RPS6KC1: variants seen among roughly 807,000 people sequenced by gnomAD.
RPS6KC1 encodes inactive ribosomal protein S6 kinase delta-1.
In RPS6KC1, 54 loss-of-function variants were observed where a neutral mutation model predicts 103.8. The ratio of observed to expected loss-of-function variants is 0.52; its 90% confidence interval spans 0.42 to 0.65. The LOEUF is 0.65. Ranked by LOEUF, RPS6KC1 falls within the 30% of genes least tolerant of loss-of-function variation. The pLI is 0.00. For synonymous variants in RPS6KC1, 439 were observed against 438.7 expected, an observed-to-expected ratio of 1.00 and a Z score of -0.01; for missense variants, 1,151 against 1,253.8, an observed-to-expected ratio of 0.92 and a Z score of 1.24.
chr1:213,545,065 A>G, the RPS6KC1 span, among the ~76,000 whole-genome samples: 1 of 152,142 alleles, frequency 6.6e-6, no homozygotes, highest in Non-Finnish European at 1.5e-5. Context: ...TTTCAGGGCT[A>G]TAAGAGAGAA....
At chr1:213,806,188 C>G in the RPS6KC1 span, among the ~76,000 whole-genome samples, 1 of 152,096 alleles carries the variant, frequency 6.6e-6, no homozygotes, top group East Asian at 1.9e-4. Context: ...AAAAATTAGC[C>G]AGGCGTGGTG....
At chr1:213,054,966 TTTC>T (rs1157399211) in intron 1 of RPS6KC1, among the ~76,000 whole-genome samples, 1 of 152,206 alleles carries the variant, frequency 6.6e-6, no homozygotes, top group Non-Finnish European at 1.5e-5. Context: ...GTAGTATAGA[TTTC>T]TCAGCAACAG....
At chr1:213,363,028 T>C in the RPS6KC1 span, among the ~76,000 whole-genome samples, 1 of 152,178 alleles carries the variant, frequency 6.6e-6, no homozygotes, top group African/African-American at 2.4e-5. Context: ...TTGGTTCTGT[T>C]TCTCTGGGAA....
At chr1:213,188,072 G>T (rs926231386) in intron 8 of RPS6KC1, among the ~76,000 whole-genome samples, 2 of 152,100 alleles carry the variant, frequency 1.3e-5, no homozygotes, top group Admixed American at 1.3e-4. Flanking sequence ...CAGCCTCTCA[G>T]ATTGGGCATC....
the RPS6KC1 span, among the ~76,000 whole-genome samples, chr1:213,677,634 A>G: frequency 6.6e-6 from 1 of 152,292 alleles, no homozygotes; most frequent in East Asian, 1.9e-4. Context: ...TTCACTGGGC[A>G]TTGTATGTGG....
intron 2 of RPS6KC1, among the ~76,000 whole-genome samples, 176 bp downstream of exon 2, chr1:213,071,217 C>T (rs2078843990): frequency 6.6e-6 from 1 of 152,102 alleles, no homozygotes; most frequent in Admixed American, 6.5e-5. Context: ...GCAACCTCTG[C>T]CTCCTGGGTT....
At chr1:213,446,482 T>G in the RPS6KC1 span, among the ~76,000 whole-genome samples, 3 of 152,318 alleles carry the variant, frequency 2.0e-5, no homozygotes, top group East Asian at 5.8e-4. Flanking sequence ...AAGGTAGAAT[T>G]TCTTCTCTGT....
chr1:213,638,519 A>G, the RPS6KC1 span, among the ~76,000 whole-genome samples: 3 of 151,918 alleles, frequency 2.0e-5, no homozygotes, highest in Admixed American at 2.0e-4. Context: ...TTTTAGTTAC[A>G]TTTTATATAA....
chr1:213,761,041 T>C, the RPS6KC1 span, among the ~76,000 whole-genome samples: 1 of 151,942 alleles, frequency 6.6e-6, no homozygotes, highest in Non-Finnish European at 1.5e-5. Context: ...ATGTTGTATA[T>C]TATAAGGGAA....
chr1:213,537,574 A>C, the RPS6KC1 span, among the ~76,000 whole-genome samples: 68 of 152,280 alleles, frequency 4.5e-4, 1 homozygote, highest in South Asian at 0.013. Flanking sequence ...AAGCCTTTAT[A>C]AAAATGGTCC....
the RPS6KC1 span, among the ~76,000 whole-genome samples, chr1:213,484,715 G>C: frequency 6.6e-6 from 1 of 152,220 alleles, no homozygotes; most frequent in African/African-American, 2.4e-5. Context: ...TTGTCCTCCA[G>C]TGTCTTGGTT....
At chr1:213,488,121 G>A in the RPS6KC1 span, among the ~76,000 whole-genome samples, 1 of 152,204 alleles carries the variant, frequency 6.6e-6, no homozygotes, top group Admixed American at 6.5e-5. Context: ...TCACACTATG[G>A]TCACCTAAAC....
chr1:213,099,695 T>TC lies in RPS6KC1; in HGVS notation c.263-4758dup, dbSNP rs139293429. Reference sequence around the variant, plus strand: ...CTTAAGCTACCCAGAAGGAACTTTTTCTACTATATATTAGTTTTGTACATC... The same window carrying TC: ...CTTAAGCTACCCAGAAGGAACTTTTTCCTACTATATATTAGTTTTGTACATC... On this transcript the variant is annotated intron_variant, in intron 3 of 14. Coordinates refer to ENST00000366960, the MANE Select transcript of RPS6KC1 (RefSeq NM_012424.6). 5.6e-3 allele frequency among the ~76,000 whole-genome samples: 852 copies of TC among 152,288 alleles called. 10 individuals carry two copies. The highest frequency in any genetic ancestry group is 0.017 in the African/African-American group (722 of 41,562).
chr1:213,547,786 A>G, the RPS6KC1 span, among the ~76,000 whole-genome samples: 692 of 152,184 alleles, frequency 4.5e-3, 2 homozygotes, highest in African/African-American at 0.016. Context: ...TTCCACCGTG[A>G]GTGGAAACGA....
At chr1:213,323,683 T>C in the RPS6KC1 span, among the ~76,000 whole-genome samples, 1 of 152,144 alleles carries the variant, frequency 6.6e-6, no homozygotes, top group East Asian at 1.9e-4. Flanking sequence ...TTGTTGGAAG[T>C]TTTTCTTTTT....
chr1:213,520,571 C>T, the RPS6KC1 span, among the ~76,000 whole-genome samples: 1 of 152,074 alleles, frequency 6.6e-6, no homozygotes, highest in Non-Finnish European at 1.5e-5. Context: ...TCTTTCTTTC[C>T]TTTCTCCCTC....
chr1:213,518,125 C>T, the RPS6KC1 span, among the ~76,000 whole-genome samples: 24 of 152,236 alleles, frequency 1.6e-4, no homozygotes, highest in East Asian at 7.7e-4. Flanking sequence ...AAGTACCTGA[C>T]ACTGCACATG....
the RPS6KC1 span, among the ~76,000 whole-genome samples, chr1:213,495,307 T>A: frequency 6.6e-6 from 1 of 152,082 alleles, no homozygotes; most frequent in Non-Finnish European, 1.5e-5. Flanking sequence ...TCTTCTAATA[T>A]GCACCCCCAC....
chr1:213,475,037 G>A, the RPS6KC1 span, among the ~76,000 whole-genome samples: 3 of 152,198 alleles, frequency 2.0e-5, no homozygotes, highest in African/African-American at 7.2e-5. Context: ...CGGAAGCTGT[G>A]AGGAGGAACA....
Sources: gnomAD v4.1 joint callset for allele counts (sites outside exome capture counted in the v4.1 genomes callset) on GRCh38, gnomAD v4.1.1 for gene constraint, MANE v1.5 for transcripts, NCBI Gene and HGNC (gene_info 2026-07-23, HGNC 2026-07-21) for gene names.